Variants in PAFAH1B1 observed in about 807,000 individuals in gnomAD.
The protein encoded by PAFAH1B1 is platelet-activating factor acetylhydrolase IB subunit beta.
Under a neutral mutation model 57.5 loss-of-function variants are expected in PAFAH1B1, and 2 were observed. The ratio of observed to expected loss-of-function variants is 0.03; its 90% CI spans 0.01 to 0.11. PAFAH1B1 has a LOEUF of 0.11. PAFAH1B1 is among the 10% of genes least tolerant of loss of function. The pLI is 1.00. For missense variants in PAFAH1B1, 257 were observed against 512.0 expected (o/e 0.50, Z 4.81); for synonymous variants, 152 against 169.6 (o/e 0.90, Z 0.81).
intron 2 of PAFAH1B1, among the ~76,000 whole-genome samples, chr17:2,657,736 A>G (rs1183601541): frequency 1.3e-5 from 2 of 152,146 alleles, no homozygotes; most frequent in Non-Finnish European, 2.9e-5. Flanking sequence ...ATTAAATTTC[A>G]TAGACTTCAG....
intron 2 of PAFAH1B1, chr17:2,638,526 A>T (rs1260060927): frequency 1.9e-6 from 1 of 532,310 alleles, no homozygotes; most frequent in Non-Finnish European, 3.3e-6. Flanking sequence ...TCTTTCTGAG[A>T]AGGAGTTTTT....
At chr17:2,648,086 A>C (rs2068792652) in intron 2 of PAFAH1B1, among the ~76,000 whole-genome samples, 1 of 152,194 alleles carries the variant, frequency 6.6e-6, no homozygotes, top group South Asian at 2.1e-4. Context: ...CAGGAAAGTT[A>C]AAATAATGAC....
intron 2 of PAFAH1B1, among the ~76,000 whole-genome samples, chr17:2,645,600 T>A (rs983263892): frequency 6.9e-6 from 1 of 144,508 alleles, no homozygotes. Context: ...CTCAAAAATA[T>A]ATATATTTAT....
Position 2,680,220 on chromosome 17 carries a change from T to C in PAFAH1B1, c.1059T>C (p.Ile353=), listed in dbSNP as rs1803915. ...TGTTCCATTCTGGGGGGAAGTTTAT[T>C]TTGAGTTGTGCTGATGACAAGACCC... The part of the protein sequence containing the change: ...GVLFHSGGKF[I]LSCADDKTLR... The change falls in exon 10 of 11, where the codon ATT becomes ATC. Residue 353 remains isoleucine (I), a synonymous_variant. Transcript: ENST00000397195. 912 of 1,614,128 alleles carry C rather than the reference T, an allele frequency of 5.7e-4. 5 individuals carry two copies. In the African/African-American group the frequency reaches 0.01, roughly 18 times the overall value.
At chr17:2,608,001 T>C (rs2068225740) in intron 1 of PAFAH1B1, among the ~76,000 whole-genome samples, 1 of 152,228 alleles carries the variant, frequency 6.6e-6, no homozygotes, top group Non-Finnish European at 1.5e-5. Flanking sequence ...TTGGTTTTCT[T>C]TCCTGTTTTT....
chr17:2,625,578 C>G (rs990558945), intron 1 of PAFAH1B1, among the ~76,000 whole-genome samples: 37 of 152,062 alleles, frequency 2.4e-4, no homozygotes, highest in African/African-American at 8.7e-4. Flanking sequence ...GTAGATTGTT[C>G]GTTGCAAAAT....
intron 9 of PAFAH1B1, among the ~76,000 whole-genome samples, chr17:2,677,280 G>A (rs2151670622): frequency 6.6e-6 from 1 of 152,310 alleles, no homozygotes; most frequent in Non-Finnish European, 1.5e-5. Flanking sequence ...CCTTTTAACT[G>A]TTATACCTCC....
chr17:2,637,685 A>C (rs2068641673), intron 1 of PAFAH1B1, among the ~76,000 whole-genome samples: 1 of 152,216 alleles, frequency 6.6e-6, no homozygotes, highest in Non-Finnish European at 1.5e-5. Flanking sequence ...CTTCAGTTAT[A>C]GTTGGCACTG....
intron 9 of PAFAH1B1, among the ~76,000 whole-genome samples, chr17:2,678,681 A>G (rs1176288935): frequency 2.0e-5 from 3 of 152,172 alleles, no homozygotes; most frequent in African/African-American, 7.2e-5. Flanking sequence ...GGAGTTTGAG[A>G]CCAGCCTGAG....
chr17:2,676,357 G>A (rs1597577106), intron 8 of PAFAH1B1, 148 bp from the exon 9 acceptor site: 1 of 629,864 alleles, frequency 1.6e-6, no homozygotes, highest in Non-Finnish European at 2.9e-6. Context: ...CAGCCTGGGT[G>A]ACAGAGCCAG....
rs2068316529 is a variant in PAFAH1B1, at chr17:2,614,771, T to TA, written c.-191+20766dup. ...TATAATTTTTTCTTTTCTTTTTTTT[T>TA]AGAGATGAGTCTTGCTGCGTTGCCC... On this transcript the variant is annotated intron_variant, in intron 1 of 10. Transcript: ENST00000397195. 2.0e-5 allele frequency among the ~76,000 whole-genome samples: 3 copies of TA among 152,080 alleles called. No homozygotes were observed. In the South Asian group the frequency reaches 6.2e-4, roughly 32 times the overall value.
At chr17:2,674,903 G>A (rs943556634) in intron 8 of PAFAH1B1, among the ~76,000 whole-genome samples, 1 of 152,192 alleles carries the variant, frequency 6.6e-6, no homozygotes, top group Non-Finnish European at 1.5e-5. Flanking sequence ...TACTCAGGAG[G>A]CTGAGGCAAG....
At chr17:2,619,536 G>GTT (rs774865216) in intron 1 of PAFAH1B1, among the ~76,000 whole-genome samples, 2 of 45,900 alleles carry the variant, frequency 4.4e-5, no homozygotes, top group Non-Finnish European at 1.3e-4. Context: ...GCCCTTACCT[G>GTT]TTTTTTTTTT....
At chr17:2,599,406 C>A (rs1032566169) in intron 1 of PAFAH1B1, among the ~76,000 whole-genome samples, 4 of 152,174 alleles carry the variant, frequency 2.6e-5, no homozygotes, top group Admixed American at 2.6e-4. Flanking sequence ...TATTTATTGC[C>A]TGCATCATTT....
intron 1 of PAFAH1B1, among the ~76,000 whole-genome samples, chr17:2,611,591 T>C (rs2068267536): frequency 6.6e-6 from 1 of 152,228 alleles, no homozygotes; most frequent in Non-Finnish European, 1.5e-5. Context: ...ATGCTGGTTT[T>C]CAGCATAGAT....
At chr17:2,653,189 A>G (rs1698906429) in intron 2 of PAFAH1B1, among the ~76,000 whole-genome samples, 1 of 152,104 alleles carries the variant, frequency 6.6e-6, no homozygotes, top group African/African-American at 2.4e-5. Flanking sequence ...CAAACACCAC[A>G]TGTTCTCACT....
At chr17:2,663,664 G>A (rs999271965) in intron 2 of PAFAH1B1, among the ~76,000 whole-genome samples, 20 of 151,586 alleles carry the variant, frequency 1.3e-4, no homozygotes, top group African/African-American at 4.9e-4. Flanking sequence ...ATATTGAGAG[G>A]CAGGGCATCA....
chr17:2,646,615 C>T (rs2151640902), intron 2 of PAFAH1B1, among the ~76,000 whole-genome samples: 1 of 152,116 alleles, frequency 6.6e-6, no homozygotes, highest in African/African-American at 2.4e-5. Flanking sequence ...TTGCGCACTC[C>T]AGCCTGGGCA....
At chr17:2,608,364 G>A (rs1210990571) in intron 1 of PAFAH1B1, among the ~76,000 whole-genome samples, 1 of 152,154 alleles carries the variant, frequency 6.6e-6, no homozygotes, top group Non-Finnish European at 1.5e-5. Flanking sequence ...GATTACAGGC[G>A]TGAGCCATCA....
Sources: allele counts gnomAD v4.1 joint callset (sites outside exome capture counted in the v4.1 genomes callset), GRCh38; gene constraint gnomAD v4.1.1; transcripts MANE v1.5; gene names NCBI Gene and HGNC (gene_info 2026-07-23, HGNC 2026-07-21).